Variants in KCND2 observed in about 807,000 individuals in gnomAD.
The protein encoded by KCND2 is potassium voltage-gated channel subfamily D member 2.
A neutral mutation model predicts 54.4 loss-of-function variants in KCND2; 16 were observed. The observed-to-expected ratio is 0.29, with a 90% CI of 0.20 to 0.45. KCND2 has a LOEUF of 0.45. KCND2 is among the 20% of genes least tolerant of loss of function. The pLI is 1.00. For missense variants in KCND2, 486 were observed against 824.2 expected (o/e 0.59, Z 5.02); for synonymous variants, 317 against 310.7 (o/e 1.02, Z -0.21).
chr7:120,721,800 C>T (rs1353220355), intron 1 of KCND2, among the ~76,000 whole-genome samples: 2 of 152,072 alleles, frequency 1.3e-5, no homozygotes, highest in African/African-American at 4.8e-5. Flanking sequence ...TGGCTGTGTC[C>T]CCACCCAAAT....
chr7:120,745,908 A>G lies in KCND2; in HGVS notation c.1596A>G (p.Arg532=). ...QQGVTSTCCS[R]RHKKTFRIPN... ...GAGTCACCAGCACCTGCTGTTCACG[A>G]CGACACAAAAAAACTTTTCGCATCC... The change falls in exon 5 of 6, where the codon CGA becomes CGG. Residue 532 remains arginine (R), a synonymous_variant. Coordinates refer to ENST00000331113, the MANE Select transcript of KCND2 (RefSeq NM_012281.3). 6.2e-7 allele frequency: 1 copy of G among 1,613,932 alleles called. No homozygotes were observed. The highest frequency in any genetic ancestry group is 1.1e-5 in the South Asian group (1 of 91,084).
intron 1 of KCND2, among the ~76,000 whole-genome samples, chr7:120,635,581 G>A (rs368489339): frequency 1.0e-3 from 155 of 152,240 alleles, no homozygotes; most frequent in African/African-American, 3.3e-3. Flanking sequence ...TACTTCCTTC[G>A]GAGTAGATAC....
intron 1 of KCND2, among the ~76,000 whole-genome samples, chr7:120,540,478 T>C (rs1791966186): frequency 1.3e-5 from 2 of 152,184 alleles, no homozygotes; most frequent in African/African-American, 2.4e-5. Context: ...CATCATACCT[T>C]GTTGATACAC....
At chr7:120,358,879 A>G (rs1800548209) in intron 1 of KCND2, among the ~76,000 whole-genome samples, 1 of 152,172 alleles carries the variant, frequency 6.6e-6, no homozygotes, top group Non-Finnish European at 1.5e-5. Flanking sequence ...CTATATGCAA[A>G]TATTTTCTTT....
chr7:120,280,625 C>T (rs1342659213), intron 1 of KCND2, among the ~76,000 whole-genome samples: 2 of 151,970 alleles, frequency 1.3e-5, no homozygotes, highest in African/African-American at 4.8e-5. Flanking sequence ...TTTCTTATTA[C>T]CTGATCTCTA....
intron 1 of KCND2, among the ~76,000 whole-genome samples, chr7:120,448,669 C>A (rs57401766): frequency 6.6e-6 from 1 of 151,764 alleles, no homozygotes; most frequent in Non-Finnish European, 1.5e-5. Context: ...GATGCAAAAA[C>A]CCTCAATAAA....
Position 120,275,312 on chromosome 7 carries a change from T to C in KCND2, c.680T>C (p.Val227Ala). ...CTGCCCTGTGGAGAGCGGTATGCTGTGGCCTTCTTCTGCTTGGACACGGCC... is the reference window on the plus strand; with the variant it reads ...CTGCCCTGTGGAGAGCGGTATGCTGCGGCCTTCTTCTGCTTGGACACGGCC... The part of the protein sequence containing the change: ...KELPCGERYA[V>A]AFFCLDTACV... The change falls in exon 1 of 6, where the codon GTG becomes GCG. Residue 227 changes from valine (V) to alanine (A), a missense_variant. Val to Ala is a moderately conservative substitution (Grantham distance 64). Coordinates refer to ENST00000331113, the MANE Select transcript of KCND2 (RefSeq NM_012281.3). The C allele has an allele frequency of 6.2e-7, 1 of 1,613,852 alleles. No individual in the cohort carries two copies. The highest frequency in any genetic ancestry group is 8.5e-7 in the Non-Finnish European group (1 of 1,179,962).
chr7:120,704,220 T>C (rs1299317826), intron 1 of KCND2, among the ~76,000 whole-genome samples: 1 of 152,186 alleles, frequency 6.6e-6, no homozygotes, highest in East Asian at 1.9e-4. Context: ...TCAATATCAA[T>C]GTAATCAACC....
chr7:120,399,223 GGTAGTT>G (rs1433063313), intron 1 of KCND2, among the ~76,000 whole-genome samples: 1 of 151,538 alleles, frequency 6.6e-6, no homozygotes, highest in African/African-American at 2.4e-5. Context: ...TTTAATGATT[GGTAGTT>G]GTAACAGCGT....
At chr7:120,609,355 A>G (rs1478175918) in intron 1 of KCND2, among the ~76,000 whole-genome samples, 1 of 152,138 alleles carries the variant, frequency 6.6e-6, no homozygotes, top group East Asian at 1.9e-4. Context: ...GTCAACCCTT[A>G]CATAACTATT....
chr7:120,664,749 A>C (rs1416053296), intron 1 of KCND2, among the ~76,000 whole-genome samples: 2 of 152,040 alleles, frequency 1.3e-5, no homozygotes, highest in Admixed American at 6.6e-5. Context: ...CTTTGATTCC[A>C]TGTTGCATCT....
intron 1 of KCND2, among the ~76,000 whole-genome samples, chr7:120,712,404 T>C (rs1240794979): frequency 2.7e-5 from 4 of 150,792 alleles, no homozygotes; most frequent in African/African-American, 9.7e-5. Context: ...GCTGGGATTA[T>C]AGGTGCCCGC....
chr7:120,329,601 A>G (rs1357756277), intron 1 of KCND2, among the ~76,000 whole-genome samples: 1 of 152,174 alleles, frequency 6.6e-6, no homozygotes, highest in Non-Finnish European at 1.5e-5. Flanking sequence ...ATGAGGGCTA[A>G]TATATCTTTT....
intron 1 of KCND2, among the ~76,000 whole-genome samples, chr7:120,536,631 A>G (rs117642895): frequency 0.013 from 1,956 of 152,278 alleles, 24 homozygotes; most frequent in South Asian, 0.024. Context: ...AATAGACTCC[A>G]TCTCAAGAAA....
intron 1 of KCND2, among the ~76,000 whole-genome samples, chr7:120,447,028 A>G (rs1014192921): frequency 6.6e-6 from 1 of 152,242 alleles, no homozygotes; most frequent in African/African-American, 2.4e-5. Context: ...GCTGACATGA[A>G]TTGAAGGAGA....
At chr7:120,548,006 C>T (rs1047307392) in intron 1 of KCND2, among the ~76,000 whole-genome samples, 2 of 152,074 alleles carry the variant, frequency 1.3e-5, no homozygotes, top group African/African-American at 4.8e-5. Context: ...CTCCTGGGAA[C>T]TCATTTGCAC....
chr7:120,592,888 T>C (rs531662518), intron 1 of KCND2, among the ~76,000 whole-genome samples: 2 of 152,330 alleles, frequency 1.3e-5, no homozygotes, highest in Non-Finnish European at 2.9e-5. Context: ...ATTTATTTTA[T>C]GAAAATATTT....
intron 1 of KCND2, among the ~76,000 whole-genome samples, chr7:120,291,707 C>T (rs1232419770): frequency 1.3e-5 from 2 of 151,880 alleles, no homozygotes; most frequent in African/African-American, 4.8e-5. Context: ...TGACTCTTCA[C>T]ATTGGCTGAT....
chr7:120,422,842 C>T (rs570075975), intron 1 of KCND2, among the ~76,000 whole-genome samples: 33 of 152,262 alleles, frequency 2.2e-4, no homozygotes, highest in Non-Finnish European at 3.8e-4. Flanking sequence ...TCTTCTACTC[C>T]GGGAGTCAAG....
Sources: allele counts gnomAD v4.1 joint callset (sites outside exome capture counted in the v4.1 genomes callset), GRCh38; gene constraint gnomAD v4.1.1; transcripts MANE v1.5; gene names NCBI Gene and HGNC (gene_info 2026-07-23, HGNC 2026-07-21).